Variants in TBC1D32 observed in about 807,000 individuals in gnomAD.
The protein encoded by TBC1D32 is protein broad-minded.
In TBC1D32, 151 loss-of-function variants were observed where a neutral mutation model predicts 170.3. That is an observed-to-expected ratio of 0.89 (90% CI 0.78 to 1.01). The LOEUF (loss-of-function observed/expected upper bound fraction) is 1.01. Among genes scored for constraint, TBC1D32 ranks in the 50% least tolerant of loss-of-function variants. The probability of loss-of-function intolerance (pLI) is 0.00; values close to 1 mark genes in which losing one functional copy is unlikely to be tolerated. For synonymous variants in TBC1D32, 498 were observed against 488.0 expected, an observed-to-expected ratio of 1.02 and a Z score of -0.27; for missense variants, 1,464 against 1,457.1, an observed-to-expected ratio of 1.00 and a Z score of -0.08.
intron 26 of TBC1D32, among the ~76,000 whole-genome samples, chr6:121,124,203 G>A (rs1273725): frequency 0.18 from 27,875 of 151,946 alleles, 3,433 homozygotes; most frequent in African/African-American, 0.33. Context: ...AGCACTTCTT[G>A]TATGTAGGTC....
chr6:121,277,089 T>C (rs980321681), intron 15 of TBC1D32, among the ~76,000 whole-genome samples: 2 of 152,146 alleles, frequency 1.3e-5, no homozygotes, highest in Admixed American at 1.3e-4. Flanking sequence ...GAATATATAT[T>C]ATATAAGCTT....
Position 121,320,228 on chromosome 6 carries a change from TG to T in TBC1D32, c.317+1404del, listed in dbSNP as rs1166568509. Among the ~76,000 whole-genome samples, 1,271 of 136,908 alleles carry T rather than the reference TG, an allele frequency of 9.3e-3. 24 individuals are homozygous for T. The highest frequency in any genetic ancestry group is 0.034 in the African/African-American group (1,193 of 35,360). The allele number at this position is 136,908 out of a possible 152,430, so 89.8% of individuals were successfully genotyped here. ...CCAAAAAGAAAAAGAAAAAAAAAAC[TG>T]GGAAAAAAAAAAAAAAGCTGTACAA... On this transcript the variant is annotated intron_variant, in intron 2 of 31. Coordinates refer to ENST00000398212, the MANE Select transcript of TBC1D32 (RefSeq NM_152730.6).
chr6:121,304,447 G>T, intron 7 of TBC1D32, 21 bp from the exon 8 acceptor site: 1 of 1,608,562 alleles, frequency 6.2e-7, no homozygotes, highest in Non-Finnish European at 8.5e-7. Flanking sequence ...GTGCACAATA[G>T]TTCTCAAAAA....
At chr6:121,312,664 C>G (rs747308499) in intron 3 of TBC1D32, among the ~76,000 whole-genome samples, 12 of 152,116 alleles carry the variant, frequency 7.9e-5, no homozygotes, top group Non-Finnish European at 1.5e-4. Flanking sequence ...AACAGAAAGT[C>G]CAGATGTCTC....
intron 30 of TBC1D32, among the ~76,000 whole-genome samples, chr6:121,103,860 TAGA>T (rs919835890): frequency 6.6e-6 from 1 of 151,880 alleles, no homozygotes; most frequent in African/African-American, 2.4e-5. Context: ...TTGAGCTTTT[TAGA>T]AGAATAGAAA....
chr6:121,134,639 T>G (rs1781834199), intron 24 of TBC1D32, among the ~76,000 whole-genome samples: 1 of 152,134 alleles, frequency 6.6e-6, no homozygotes, highest in Non-Finnish European at 1.5e-5. Flanking sequence ...CAGCCACCAT[T>G]GAGAGTATAT....
At chr6:121,193,783 G>A (rs1790373566) in intron 22 of TBC1D32, among the ~76,000 whole-genome samples, 1 of 152,140 alleles carries the variant, frequency 6.6e-6, no homozygotes. Flanking sequence ...AAACTTTTAG[G>A]TCAAATGGAC....
At chr6:121,110,902 A>T (rs1779138595) in intron 29 of TBC1D32, among the ~76,000 whole-genome samples, 1 of 152,194 alleles carries the variant, frequency 6.6e-6, no homozygotes, top group Non-Finnish European at 1.5e-5. Flanking sequence ...GCATCAAAAC[A>T]AACTACTGGT....
intron 9 of TBC1D32, among the ~76,000 whole-genome samples, chr6:121,301,632 C>G (rs1015193637): frequency 6.6e-6 from 1 of 151,956 alleles, no homozygotes; most frequent in African/African-American, 2.4e-5. Flanking sequence ...CACGTGTATA[C>G]CTATGCAACA....
intron 1 of TBC1D32, among the ~76,000 whole-genome samples, chr6:121,327,582 A>G (rs993568488): frequency 6.6e-6 from 1 of 152,200 alleles, no homozygotes; most frequent in Non-Finnish European, 1.5e-5. Context: ...CAGATGCTAC[A>G]GAGGGTAGTC....
intron 17 of TBC1D32, among the ~76,000 whole-genome samples, chr6:121,254,665 A>T (rs1222765768): frequency 6.6e-6 from 1 of 152,132 alleles, no homozygotes; most frequent in African/African-American, 2.4e-5. Flanking sequence ...AAAAATTCAA[A>T]TTCCACTTCA....
intron 21 of TBC1D32, among the ~76,000 whole-genome samples, chr6:121,219,935 G>A (rs1471199755): frequency 6.6e-6 from 1 of 151,972 alleles, no homozygotes; most frequent in African/African-American, 2.4e-5. Flanking sequence ...AATTATTTTG[G>A]GGCACCATGA....
At chr6:121,133,555 C>A (rs80228010) in intron 24 of TBC1D32, among the ~76,000 whole-genome samples, 1 of 151,932 alleles carries the variant, frequency 6.6e-6, no homozygotes, top group Non-Finnish European at 1.5e-5. Flanking sequence ...AAGAAAACTG[C>A]TACGTATTGC....
intron 12 of TBC1D32, among the ~76,000 whole-genome samples, chr6:121,285,484 A>C (rs1006542255): frequency 6.6e-6 from 1 of 152,140 alleles, no homozygotes; most frequent in African/African-American, 2.4e-5. Context: ...CACTCTACCT[A>C]GCACATGCCA....
At chr6:121,262,751 A>G (rs1312044371) in intron 15 of TBC1D32, among the ~76,000 whole-genome samples, 2 of 152,202 alleles carry the variant, frequency 1.3e-5, no homozygotes, top group Admixed American at 6.5e-5. Flanking sequence ...TGCGAGGATT[A>G]CAGGCATGAG....
chr6:121,281,715 C>G, intron 13 of TBC1D32, 29 bp from the exon 14 acceptor site: 1 of 1,520,604 alleles, frequency 6.6e-7, no homozygotes, highest in South Asian at 1.3e-5. Flanking sequence ...TTTTTAATAC[C>G]AAAACATTAA....
At chr6:121,288,453 G>T (rs1253076660) in intron 12 of TBC1D32, among the ~76,000 whole-genome samples, 1 of 152,092 alleles carries the variant, frequency 6.6e-6, no homozygotes, top group African/African-American at 2.4e-5. Context: ...ACTAAATCAG[G>T]AAGAAGTTGA....
At chr6:121,286,199 G>A (rs1803798151) in intron 12 of TBC1D32, among the ~76,000 whole-genome samples, 1 of 152,056 alleles carries the variant, frequency 6.6e-6, no homozygotes, top group African/African-American at 2.4e-5. Context: ...CAAACTAAAG[G>A]AGGAAGTTCG....
At chr6:121,208,778 A>C (rs763551162) in intron 21 of TBC1D32, among the ~76,000 whole-genome samples, 2 of 146,326 alleles carry the variant, frequency 1.4e-5, no homozygotes, top group Non-Finnish European at 3.0e-5. Flanking sequence ...TCTTCCCTGG[A>C]GCCTTGGGAG....
Sources: gnomAD v4.1 joint callset for allele counts (sites outside exome capture counted in the v4.1 genomes callset) on GRCh38, gnomAD v4.1.1 for gene constraint, MANE v1.5 for transcripts, NCBI Gene and HGNC (gene_info 2026-07-23, HGNC 2026-07-21) for gene names.